Variants in PCDH11Y observed in about 807,000 individuals in gnomAD.
PCDH11Y encodes the protein protocadherin-11 Y-linked.
For missense variants in PCDH11Y, 12 were observed against 224.8 expected, an observed-to-expected ratio of 0.05 and a Z score of 6.05; for synonymous variants, 9 against 83.6, an observed-to-expected ratio of 0.11 and a Z score of 4.87.
At chrY:5,281,909 G>T in intron 2 of PCDH11Y, among the ~76,000 whole-genome samples, 2 of 31,361 alleles carry the variant, frequency 6.4e-5, no homozygotes, top group Non-Finnish European at 1.5e-4. Context: ...TGGCCACGAA[G>T]TGGAACAGAA....
intron 2 of PCDH11Y, among the ~76,000 whole-genome samples, chrY:5,413,650 C>A (rs2053250555): frequency 9.1e-5 from 3 of 32,867 alleles, no homozygotes; most frequent in South Asian, 1.4e-3. Context: ...GTTAGTGAGA[C>A]CTGGCCTGCC....
At chrY:5,079,131 C>T in intron 1 of PCDH11Y, among the ~76,000 whole-genome samples, 3 of 33,706 alleles carry the variant, frequency 8.9e-5, no homozygotes, top group African/African-American at 2.3e-4. Flanking sequence ...TGTCTCATAT[C>T]CAGGTCATGC....
chrY:5,708,082 G>GA (rs2053584106), intron 4 of PCDH11Y, among the ~76,000 whole-genome samples: 3 of 31,850 alleles, frequency 9.4e-5, no homozygotes, highest in Non-Finnish European at 1.5e-4. Context: ...GTGCTAACAG[G>GA]AAAAAAAACA....
At chrY:5,624,381 A>T (rs2053504340) in intron 4 of PCDH11Y, among the ~76,000 whole-genome samples, 1 of 18,789 alleles carries the variant, frequency 5.3e-5, no homozygotes, top group African/African-American at 2.2e-4. Flanking sequence ...ACTTTAGTTT[A>T]ATTAAGTCAC....
At chrY:5,026,956 T>C (rs2052579591) in intron 1 of PCDH11Y, among the ~76,000 whole-genome samples, 1 of 32,960 alleles carries the variant, frequency 3.0e-5, no homozygotes, top group Admixed American at 2.8e-4. Context: ...TAGAGTAGTT[T>C]CACACTAAAA....
intron 2 of PCDH11Y, among the ~76,000 whole-genome samples, chrY:5,186,987 G>C: frequency 5.9e-5 from 2 of 34,106 alleles, no homozygotes; most frequent in Non-Finnish European, 1.5e-4. Flanking sequence ...AGTTGGCTAA[G>C]AGAAAGGGGC....
intron 2 of PCDH11Y, among the ~76,000 whole-genome samples, chrY:5,287,834 C>A (rs2053062093): frequency 6.7e-5 from 2 of 29,809 alleles, no homozygotes; most frequent in Non-Finnish European, 1.6e-4. Flanking sequence ...TTGATTGGTG[C>A]AGCAAACTAC....
chrY:5,001,965 C>T (rs2052531416), intron 1 of PCDH11Y, among the ~76,000 whole-genome samples: 1 of 33,934 alleles, frequency 2.9e-5, no homozygotes, highest in Non-Finnish European at 7.3e-5. Flanking sequence ...CTGGCCTCTC[C>T]GATGCAAAAT....
At chrY:5,373,747 C>T (rs199667182) in intron 2 of PCDH11Y, among the ~76,000 whole-genome samples, 2 of 21,239 alleles carry the variant, frequency 9.4e-5, no homozygotes, top group Admixed American at 4.2e-4. Flanking sequence ...TGTATATATA[C>T]ACACACACAC....
At chrY:5,385,272 T>A in intron 2 of PCDH11Y, among the ~76,000 whole-genome samples, 7 of 29,366 alleles carry the variant, frequency 2.4e-4, no homozygotes, top group Non-Finnish European at 4.8e-4. Flanking sequence ...TGAACCCAAT[T>A]TGTAGCCTTT....
chrY:5,130,620 G>A, intron 2 of PCDH11Y, among the ~76,000 whole-genome samples: 2 of 33,429 alleles, frequency 6.0e-5, no homozygotes, highest in Non-Finnish European at 1.5e-4. Flanking sequence ...GGTGGCTCAC[G>A]CCTGTAATCC....
intron 2 of PCDH11Y, among the ~76,000 whole-genome samples, chrY:5,116,912 C>G: frequency 2.5e-4 from 8 of 32,391 alleles, no homozygotes; most frequent in Non-Finnish European, 4.5e-4. Context: ...AGACTTGCAA[C>G]ATACCCTTTT....
intron 2 of PCDH11Y, among the ~76,000 whole-genome samples, chrY:5,295,721 T>C: frequency 8.9e-5 from 3 of 33,555 alleles, no homozygotes; most frequent in Non-Finnish European, 2.2e-4. Flanking sequence ...GGCTATTTCC[T>C]AGATCTTGTA....
chrY:5,220,781 A>C, intron 2 of PCDH11Y, among the ~76,000 whole-genome samples: 1 of 22,019 alleles, frequency 4.5e-5, no homozygotes, highest in African/African-American at 1.9e-4. Context: ...CAATGGTGCA[A>C]TCTCGGCTCC....
downstream of PCDH11Y, chrY:5,105,592 C>A (rs2052790504): frequency 4.2e-5 from 1 of 23,547 alleles, no homozygotes. Flanking sequence ...CGTGCCGTTG[C>A]ACTCCAGCGT....
intron 1 of PCDH11Y, among the ~76,000 whole-genome samples, chrY:5,089,147 G>A: frequency 3.2e-5 from 1 of 31,518 alleles, no homozygotes; most frequent in Admixed American, 3.0e-4. Context: ...CACTTATCCC[G>A]GAGACATATC....
chrY:5,476,262 C>A (rs2124685158), intron 2 of PCDH11Y, among the ~76,000 whole-genome samples: 1 of 29,456 alleles, frequency 3.4e-5, no homozygotes, highest in Admixed American at 3.2e-4. Context: ...TAGCTCAAAT[C>A]GTTTTCTCTT....
chrY:5,449,492 T>C (rs2053291144), intron 2 of PCDH11Y, among the ~76,000 whole-genome samples: 78 of 33,776 alleles, frequency 2.3e-3, no homozygotes, highest in Admixed American at 4.3e-3. Flanking sequence ...TTCTTAAGTT[T>C]AAATCATGCT....
chrY:5,091,970 G>T (rs2052742010), intron 1 of PCDH11Y, among the ~76,000 whole-genome samples: 1 of 32,483 alleles, frequency 3.1e-5, no homozygotes, highest in Non-Finnish European at 7.6e-5. Flanking sequence ...CTACAAAATA[G>T]GTTTTGCTAA....
Sources: gnomAD v4.1 joint callset for allele counts (sites outside exome capture counted in the v4.1 genomes callset) on GRCh38, gnomAD v4.1.1 for gene constraint, MANE v1.5 for transcripts, NCBI Gene and HGNC (gene_info 2026-07-23, HGNC 2026-07-21) for gene names.